The following ERBB4 variants were observed in gnomAD, a reference collection of about 807,000 sequenced individuals.
The protein encoded by ERBB4 is erb-b2 receptor tyrosine kinase 4.
Under a neutral mutation model 158.0 loss-of-function variants are expected in ERBB4, and 42 were observed. The observed-to-expected ratio is 0.27, with a 90% CI of 0.21 to 0.34. ERBB4 has a LOEUF of 0.34. ERBB4 is among the 10% of genes least tolerant of loss of function. The pLI is 1.00. For missense variants in ERBB4, 1,333 were observed against 1,624.1 expected (o/e 0.82, Z 3.08); for synonymous variants, 583 against 558.7 (o/e 1.04, Z -0.61).
At chr2:211,941,354 C>T (rs2080490271) in intron 3 of ERBB4, among the ~76,000 whole-genome samples, 1 of 151,328 alleles carries the variant, frequency 6.6e-6, no homozygotes, top group Non-Finnish European at 1.5e-5. Flanking sequence ...TGTTTAACAA[C>T]AATCCCTGAA....
At chr2:212,019,636 G>A (rs1253077151) in intron 2 of ERBB4, among the ~76,000 whole-genome samples, 6 of 151,616 alleles carry the variant, frequency 4.0e-5, no homozygotes, top group South Asian at 2.1e-4. Flanking sequence ...GGTGGCGGGC[G>A]CCTGTAATCC....
intron 2 of ERBB4, among the ~76,000 whole-genome samples, chr2:212,060,432 C>A (rs1170143486): frequency 6.6e-6 from 1 of 151,328 alleles, no homozygotes; most frequent in East Asian, 2.0e-4. Flanking sequence ...ACTAGAAATA[C>A]CATTTGACCC....
chr2:212,075,275 A>T (rs2078241977), intron 2 of ERBB4, among the ~76,000 whole-genome samples: 1 of 151,956 alleles, frequency 6.6e-6, no homozygotes, highest in Admixed American at 6.6e-5. Context: ...AGAAAGTTTT[A>T]ATTGGTATAG....
chr2:211,964,687 T>C (rs1276114561), intron 2 of ERBB4, among the ~76,000 whole-genome samples: 2 of 152,130 alleles, frequency 1.3e-5, no homozygotes. Context: ...CATGCTAAGG[T>C]CTATTTAGCT....
At chr2:212,044,918 G>C (rs370316350) in intron 2 of ERBB4, among the ~76,000 whole-genome samples, 14 of 151,700 alleles carry the variant, frequency 9.2e-5, no homozygotes, top group East Asian at 7.7e-4. Flanking sequence ...TACGATTTCA[G>C]TATCATCAGG....
chr2:211,632,975 C>A (rs757327782), intron 16 of ERBB4, among the ~76,000 whole-genome samples: 1 of 152,004 alleles, frequency 6.6e-6, no homozygotes, highest in Non-Finnish European at 1.5e-5. Flanking sequence ...TTATAAGAGG[C>A]CAAATTCTGC....
At chr2:211,650,226 A>G (rs2070933539) in intron 16 of ERBB4, among the ~76,000 whole-genome samples, 1 of 152,086 alleles carries the variant, frequency 6.6e-6, no homozygotes, top group Non-Finnish European at 1.5e-5. Flanking sequence ...AGGCATAAAA[A>G]CAGAAACTTT....
chr2:212,269,394 T>C (rs11891984), intron 1 of ERBB4, among the ~76,000 whole-genome samples: 1,546 of 151,904 alleles, frequency 0.01, 24 homozygotes, highest in African/African-American at 0.036. Context: ...GATGCAGCTC[T>C]ACCCATGTGT....
chr2:211,970,818 G>C (rs1182264690), intron 2 of ERBB4, among the ~76,000 whole-genome samples: 1 of 152,100 alleles, frequency 6.6e-6, no homozygotes, highest in East Asian at 1.9e-4. Context: ...AATGGGTCTT[G>C]GTTCCTTATC....
chr2:211,436,671 G>T (rs1263948074), intron 20 of ERBB4, among the ~76,000 whole-genome samples: 1 of 152,118 alleles, frequency 6.6e-6, no homozygotes, highest in Admixed American at 6.6e-5. Flanking sequence ...GAAAATCTGT[G>T]AACCTCAGCT....
intron 3 of ERBB4, among the ~76,000 whole-genome samples, chr2:211,870,455 T>C (rs1298624666): frequency 6.6e-6 from 1 of 152,162 alleles, no homozygotes; most frequent in Non-Finnish European, 1.5e-5. Context: ...TGTCCTATTA[T>C]TTTGAAACTT....
At chr2:212,186,999 T>C (rs2082033509) in intron 1 of ERBB4, among the ~76,000 whole-genome samples, 1 of 152,114 alleles carries the variant, frequency 6.6e-6, no homozygotes, top group Admixed American at 6.6e-5. Flanking sequence ...TTTAAATATA[T>C]AATACTAAGA....
intron 1 of ERBB4, among the ~76,000 whole-genome samples, chr2:212,318,169 CG>C (rs1441777372): frequency 6.6e-6 from 1 of 151,354 alleles, no homozygotes; most frequent in Non-Finnish European, 1.5e-5. Flanking sequence ...GTCACACAGC[CG>C]GTAAGAGGGA....
chr2:212,258,131 G>A (rs889183566), intron 1 of ERBB4, among the ~76,000 whole-genome samples: 1 of 152,016 alleles, frequency 6.6e-6, no homozygotes, highest in African/African-American at 2.4e-5. Context: ...TAAATATACA[G>A]TTATAATTCC....
chr2:211,863,168 A>G (rs1220229566), intron 3 of ERBB4, among the ~76,000 whole-genome samples: 1 of 148,642 alleles, frequency 6.7e-6, no homozygotes, highest in Non-Finnish European at 1.5e-5. Flanking sequence ...AGGATTGTAA[A>G]CACACCAATC....
intron 1 of ERBB4, among the ~76,000 whole-genome samples, chr2:212,435,919 T>C (rs947715726): frequency 6.6e-6 from 1 of 151,744 alleles, no homozygotes; most frequent in South Asian, 2.1e-4. Flanking sequence ...AGAAAAAAAA[T>C]AAATAATAAT....
At chr2:211,856,745 G>C (rs892703131) in intron 3 of ERBB4, among the ~76,000 whole-genome samples, 17 of 152,002 alleles carry the variant, frequency 1.1e-4, no homozygotes, top group African/African-American at 4.1e-4. Context: ...GAGACAGTAA[G>C]GCTATATTTC....
At chr2:211,775,946 G>A (rs1235885449) in intron 4 of ERBB4, among the ~76,000 whole-genome samples, 3 of 152,132 alleles carry the variant, frequency 2.0e-5, no homozygotes, top group Admixed American at 1.3e-4. Context: ...TATACAGACC[G>A]GGGGCAAGAG....
intron 1 of ERBB4, among the ~76,000 whole-genome samples, chr2:212,389,469 G>T (rs2090784436): frequency 6.6e-6 from 1 of 151,908 alleles, no homozygotes; most frequent in South Asian, 2.1e-4. Flanking sequence ...TTCTTGTTGT[G>T]CTTACAGTTA....
Sources: allele counts gnomAD v4.1 joint callset (sites outside exome capture counted in the v4.1 genomes callset), GRCh38; gene constraint gnomAD v4.1.1; transcripts MANE v1.5; gene names NCBI Gene and HGNC (gene_info 2026-07-23, HGNC 2026-07-21).